ADAMTS12: variants seen among roughly 807,000 people sequenced by gnomAD.
ADAMTS12 encodes the protein ADAM metallopeptidase with thrombospondin type 1 motif 12, also known as A disintegrin and metalloproteinase with thrombospondin motifs 12.
ADAMTS12 carries 118 observed loss-of-function variants against 167.8 expected under a neutral mutation model. The observed-to-expected ratio is 0.70, with a 90% confidence interval of 0.61 to 0.82. The LOEUF (loss-of-function observed/expected upper bound fraction) is 0.82, where lower values mean the gene tolerates loss of function less well. Ranked by LOEUF, ADAMTS12 falls within the 40% of genes least tolerant of loss-of-function variation. ADAMTS12 has a pLI of 0.00. For missense variants in ADAMTS12, 1,916 were observed against 1,998.8 expected, an observed-to-expected ratio of 0.96 and a Z score of 0.79; for synonymous variants, 704 against 716.9, an observed-to-expected ratio of 0.98 and a Z score of 0.29.
At chr5:33,584,829 A>C (rs1262264645) in intron 18 of ADAMTS12, among the ~76,000 whole-genome samples, 2 of 152,234 alleles carry the variant, frequency 1.3e-5, no homozygotes, top group Non-Finnish European at 2.9e-5. Context: ...ATGTTGGTTC[A>C]TAATTGAGCA....
intron 20 of ADAMTS12, among the ~76,000 whole-genome samples, chr5:33,551,725 A>G (rs1745259607): frequency 6.6e-6 from 1 of 152,216 alleles, no homozygotes; most frequent in African/African-American, 2.4e-5. Context: ...GGGAAATAAA[A>G]TTTATTAATA....
At chr5:33,752,622 CTA>C (rs1745027027) in intron 2 of ADAMTS12, among the ~76,000 whole-genome samples, 1 of 152,176 alleles carries the variant, frequency 6.6e-6, no homozygotes, top group Admixed American at 6.5e-5. Context: ...ATCTCTGATT[CTA>C]TGTCATTTTA....
chr5:33,779,524 C>T (rs1003538722), intron 2 of ADAMTS12, among the ~76,000 whole-genome samples: 8 of 152,160 alleles, frequency 5.3e-5, no homozygotes, highest in South Asian at 2.1e-4. Context: ...AACTCCTATG[C>T]TCATTGCAGC....
chr5:33,722,773 A>G (rs565208930), intron 3 of ADAMTS12, among the ~76,000 whole-genome samples: 5 of 152,198 alleles, frequency 3.3e-5, no homozygotes, highest in Non-Finnish European at 7.3e-5. Flanking sequence ...CACGTAATTG[A>G]GGGCTCACTA....
chr5:33,693,677 A>T (rs79419394), intron 3 of ADAMTS12, among the ~76,000 whole-genome samples: 5 of 102,504 alleles, frequency 4.9e-5, no homozygotes, highest in East Asian at 3.4e-4. Context: ...TCACAATATA[A>T]AGAGTCACCT....
chr5:33,794,192 C>T (rs1746684109), intron 2 of ADAMTS12, among the ~76,000 whole-genome samples: 1 of 152,230 alleles, frequency 6.6e-6, no homozygotes, highest in Non-Finnish European at 1.5e-5. Flanking sequence ...AGACCTTCAG[C>T]TTCTCCAGTG....
At chr5:33,775,725 C>T (rs925164597) in intron 2 of ADAMTS12, among the ~76,000 whole-genome samples, 3 of 152,200 alleles carry the variant, frequency 2.0e-5, no homozygotes, top group Middle Eastern at 3.2e-3. Context: ...TCACCCTTCC[C>T]CAAGCCTGCA....
chr5:33,582,400 G>T (rs1018078503), intron 18 of ADAMTS12, among the ~76,000 whole-genome samples: 4 of 152,180 alleles, frequency 2.6e-5, no homozygotes, highest in Admixed American at 6.5e-5. Context: ...GAATCCAGAG[G>T]GTCAGCGACT....
intron 3 of ADAMTS12, among the ~76,000 whole-genome samples, chr5:33,718,904 C>G (rs1743706651): frequency 6.6e-6 from 1 of 152,150 alleles, no homozygotes. Flanking sequence ...TCAAGTCAGT[C>G]AGCAAAACGC....
At chr5:33,837,368 C>G (rs753679698) in intron 2 of ADAMTS12, among the ~76,000 whole-genome samples, 10 of 152,344 alleles carry the variant, frequency 6.6e-5, no homozygotes, top group Middle Eastern at 3.4e-3. Flanking sequence ...GGGTCGGTTA[C>G]TAGGCCAGCC....
chr5:33,882,459 A>T (rs146442084), intron 1 of ADAMTS12, among the ~76,000 whole-genome samples: 43 of 152,312 alleles, frequency 2.8e-4, no homozygotes, highest in African/African-American at 9.1e-4. Context: ...ACACATTTTG[A>T]CCTACTCAAA....
At chr5:33,539,750 G>A (rs1482369527) in intron 22 of ADAMTS12, among the ~76,000 whole-genome samples, 1 of 152,118 alleles carries the variant, frequency 6.6e-6, no homozygotes, top group Non-Finnish European at 1.5e-5. Context: ...AAAAGAAAAT[G>A]CATGCTATTT....
At chr5:33,590,916 T>C (rs1339129388) in intron 17 of ADAMTS12, among the ~76,000 whole-genome samples, 1 of 141,596 alleles carries the variant, frequency 7.1e-6, no homozygotes, top group Non-Finnish European at 1.5e-5. Flanking sequence ...TTTTTTTTTT[T>C]CCTGTAAAGG....
At chr5:33,743,979 C>T (rs1322454640) in intron 3 of ADAMTS12, among the ~76,000 whole-genome samples, 1 of 152,160 alleles carries the variant, frequency 6.6e-6, no homozygotes, top group Non-Finnish European at 1.5e-5. Context: ...TGGCTATCCT[C>T]AGGGGTTAAA....
intron 11 of ADAMTS12, among the ~76,000 whole-genome samples, chr5:33,640,062 G>A (rs2112169225): frequency 6.6e-6 from 1 of 152,272 alleles, no homozygotes; most frequent in East Asian, 1.9e-4. Context: ...ATCACTGACA[G>A]CCTCTTATGA....
chr5:33,665,414 A>T (rs1741430677), intron 5 of ADAMTS12, among the ~76,000 whole-genome samples: 1 of 152,236 alleles, frequency 6.6e-6, no homozygotes, highest in Non-Finnish European at 1.5e-5. Context: ...AAAAGAAAGC[A>T]TACAAGGTAA....
chr5:33,836,540 G>A (rs1306948703), intron 2 of ADAMTS12, among the ~76,000 whole-genome samples: 2 of 152,184 alleles, frequency 1.3e-5, no homozygotes, highest in African/African-American at 2.4e-5. Flanking sequence ...TGCTCTGGGG[G>A]CACTTCCATT....
At chr5:33,757,558 A>G (rs988585654) in intron 2 of ADAMTS12, among the ~76,000 whole-genome samples, 3 of 152,216 alleles carry the variant, frequency 2.0e-5, no homozygotes, top group African/African-American at 7.2e-5. Context: ...TTTTTGAAGG[A>G]GCCTAATACA....
Position 33,576,108 on chromosome 5 carries a change from C to T in ADAMTS12, c.3918G>A (p.Lys1306=), listed in dbSNP as rs769811124. The T allele has an allele frequency of 1.6e-5, 26 of 1,613,982 alleles. No individual in the cohort carries two copies. The highest frequency in any genetic ancestry group is 3.3e-4 in the Middle Eastern group (2 of 6,084). ...CAGAGCCGTGGCCGTTTGTGAGCTG[C>T]TTGTAATTGGAGGCATTTAGCAAAA... ...EGFLLNASNY[K]QLTNGHGSAH... is the part of the protein sequence containing the mutation. Residue 1306 remains lysine, a synonymous_variant, in exon 19 of 24, where the codon AAG becomes AAA. Coordinates refer to ENST00000504830, the MANE Select transcript of ADAMTS12 (RefSeq NM_030955.4).
Sources: gnomAD v4.1 joint callset for allele counts (sites outside exome capture counted in the v4.1 genomes callset) on GRCh38, gnomAD v4.1.1 for gene constraint, MANE v1.5 for transcripts, NCBI Gene and HGNC (gene_info 2026-07-23, HGNC 2026-07-21) for gene names.